NAV2: variants seen among roughly 807,000 people sequenced by gnomAD.
NAV2 encodes the protein neuron navigator 2.
NAV2 carries 54 observed loss-of-function variants against 223.2 expected under a neutral mutation model. The observed-to-expected ratio is 0.24, with a 90% CI of 0.19 to 0.30. The LOEUF is 0.30. Ranked by LOEUF, NAV2 falls within the 10% of genes least tolerant of loss-of-function variation. NAV2 has a pLI of 1.00. For synonymous variants in NAV2, 1,279 were observed against 1,239.3 expected (o/e 1.03, Z -0.67); for missense variants, 2,806 against 3,147.5 (o/e 0.89, Z 2.60).
At chr11:19,831,391 A>G (rs1344385022) in intron 1 of NAV2, among the ~76,000 whole-genome samples, 1 of 151,832 alleles carries the variant, frequency 6.6e-6, no homozygotes, top group South Asian at 2.1e-4. Context: ...TAGAATGATC[A>G]CCTTCATCAT....
At chr11:19,956,283 C>T (rs537820228) in intron 10 of NAV2, among the ~76,000 whole-genome samples, 17 of 152,200 alleles carry the variant, frequency 1.1e-4, no homozygotes, top group Admixed American at 3.9e-4. Flanking sequence ...CAATTCAATT[C>T]GGACACAATC....
chr11:19,704,988 G>A (rs1182500978), intron 1 of NAV2, among the ~76,000 whole-genome samples: 39 of 146,104 alleles, frequency 2.7e-4, no homozygotes, highest in African/African-American at 9.4e-4. Context: ...TCCAGCCTGG[G>A]CGACAGAGTG....
intron 1 of NAV2, among the ~76,000 whole-genome samples, chr11:19,817,816 T>A (rs977828351): frequency 3.9e-5 from 6 of 152,182 alleles, no homozygotes; most frequent in African/African-American, 1.4e-4. Context: ...CTTGCTCCTG[T>A]CCCTTCACCT....
At chr11:20,032,292 G>C (rs991213375) in intron 11 of NAV2, among the ~76,000 whole-genome samples, 2 of 152,006 alleles carry the variant, frequency 1.3e-5, no homozygotes, top group East Asian at 3.9e-4. Context: ...CCCTCTTCTG[G>C]GTGGCTCAGT....
At chr11:19,824,713 T>C (rs2059560182) in intron 1 of NAV2, among the ~76,000 whole-genome samples, 1 of 152,214 alleles carries the variant, frequency 6.6e-6, no homozygotes, top group Admixed American at 6.5e-5. Flanking sequence ...CCTCACCCCA[T>C]GCAGCTAAAA....
chr11:19,570,305 C>T (rs1002954404), intron 1 of NAV2, among the ~76,000 whole-genome samples: 1 of 152,062 alleles, frequency 6.6e-6, no homozygotes, highest in Non-Finnish European at 1.5e-5. Context: ...TGGAATTCAC[C>T]CAGAGGATGT....
At chr11:19,887,915 C>G (rs924951746) in intron 5 of NAV2, among the ~76,000 whole-genome samples, 2 of 151,054 alleles carry the variant, frequency 1.3e-5, no homozygotes, top group African/African-American at 4.9e-5. Flanking sequence ...ATCCTCTGCT[C>G]CCAGCCTCTG....
At chr11:19,447,541 G>T (rs1484253427) in intron 1 of NAV2, among the ~76,000 whole-genome samples, 1 of 152,210 alleles carries the variant, frequency 6.6e-6, no homozygotes, top group Admixed American at 6.5e-5. Context: ...TTGGGGGAAG[G>T]CGAGACGATG....
At chr11:19,467,018 CAGAGAG>C (rs61354519) in intron 1 of NAV2, among the ~76,000 whole-genome samples, 54 of 82,440 alleles carry the variant, frequency 6.6e-4, no homozygotes, top group Middle Eastern at 0.01. Context: ...CACACACACA[CAGAGAG>C]AGAGAGAGAG....
chr11:19,359,970 G>A (rs1853839167), intron 1 of NAV2, among the ~76,000 whole-genome samples: 1 of 151,776 alleles, frequency 6.6e-6, no homozygotes, highest in Admixed American at 6.6e-5. Context: ...ATCACTACTC[G>A]TCTCTTTTAA....
intron 18 of NAV2, 72 bp downstream of exon 18, chr11:20,054,312 A>G: frequency 7.2e-7 from 1 of 1,396,860 alleles, no homozygotes. Flanking sequence ...TACATAACAT[A>G]TTTTTATTTC....
intron 1 of NAV2, among the ~76,000 whole-genome samples, chr11:19,677,126 C>T (rs749956895): frequency 5.3e-5 from 8 of 152,232 alleles, no homozygotes; most frequent in Non-Finnish European, 8.8e-5. Flanking sequence ...AAGCTGCAGT[C>T]GGGTCCAGAC....
chr11:19,882,879 A>G (rs1170734903), intron 5 of NAV2, among the ~76,000 whole-genome samples: 1 of 152,150 alleles, frequency 6.6e-6, no homozygotes, highest in Non-Finnish European at 1.5e-5. Context: ...TCTGCAGAAG[A>G]CTGGTTTTAT....
chr11:19,956,787 T>C (rs774183545), intron 10 of NAV2, among the ~76,000 whole-genome samples: 1 of 152,198 alleles, frequency 6.6e-6, no homozygotes, highest in South Asian at 2.1e-4. Context: ...AGTTAAATCA[T>C]TGGCCATCAG....
intron 6 of NAV2, among the ~76,000 whole-genome samples, chr11:19,926,898 CCAA>C (rs2044802594): frequency 6.6e-6 from 1 of 152,268 alleles, no homozygotes; most frequent in East Asian, 1.9e-4. Context: ...GACCAGACCA[CCAA>C]CATCTCCCTA....
At chr11:20,098,565 T>A (rs184663053) in intron 31 of NAV2, among the ~76,000 whole-genome samples, 1 of 152,368 alleles carries the variant, frequency 6.6e-6, no homozygotes, top group East Asian at 1.9e-4. Context: ...TTGACTGCAG[T>A]TTTGCAGTTG....
At chr11:19,650,191 C>T (rs1025942412) in intron 1 of NAV2, among the ~76,000 whole-genome samples, 4 of 152,086 alleles carry the variant, frequency 2.6e-5, no homozygotes, top group South Asian at 2.1e-4. Context: ...GAAGTTGGGC[C>T]GTAATCCAAT....
intron 1 of NAV2, among the ~76,000 whole-genome samples, chr11:19,539,561 G>A (rs760000108): frequency 3.3e-5 from 5 of 152,048 alleles, no homozygotes; most frequent in Non-Finnish European, 5.9e-5. Flanking sequence ...ATACATCATG[G>A]TAAGTTTTAG....
chr11:19,458,155 G>A (rs916357214), intron 1 of NAV2, among the ~76,000 whole-genome samples: 1 of 152,224 alleles, frequency 6.6e-6, no homozygotes, highest in Admixed American at 6.5e-5. Flanking sequence ...CTCACTGGCG[G>A]AGGAGGTCCT....
Sources: allele counts gnomAD v4.1 joint callset (sites outside exome capture counted in the v4.1 genomes callset), GRCh38; gene constraint gnomAD v4.1.1; transcripts MANE v1.5; gene names NCBI Gene and HGNC (gene_info 2026-07-23, HGNC 2026-07-21).